The following METTL15 variants were observed in gnomAD, a reference collection of about 807,000 sequenced individuals.
METTL15 encodes 12S rRNA N(4)-cytidine methyltransferase METTL15.
METTL15 carries 34 observed loss-of-function variants against 38.3 expected under a neutral mutation model. The observed-to-expected ratio is 0.89, with a 90% CI of 0.68 to 1.18. The LOEUF (loss-of-function observed/expected upper bound fraction) is 1.18. Ranked by LOEUF, METTL15 falls within the 50% of genes most tolerant of loss-of-function variation. The pLI, the probability that METTL15 is intolerant of heterozygous loss-of-function variation, is 0.00. For missense variants in METTL15, 438 were observed against 498.4 expected, an observed-to-expected ratio of 0.88 and a Z score of 1.15; for synonymous variants, 162 against 170.9, an observed-to-expected ratio of 0.95 and a Z score of 0.41.
intron 4 of METTL15, among the ~76,000 whole-genome samples, chr11:28,263,941 G>T (rs564355355): frequency 6.6e-6 from 1 of 152,184 alleles, no homozygotes. Flanking sequence ...CAAGGATCAT[G>T]TAATATGTCT....
intron 6 of METTL15, among the ~76,000 whole-genome samples, chr11:28,432,902 C>T (rs1850945116): frequency 6.9e-6 from 1 of 145,452 alleles, no homozygotes; most frequent in Non-Finnish European, 1.5e-5. Context: ...AGCACTGGCT[C>T]ATTTTGGTAA....
At chr11:28,260,132 GCTT>G (rs1224753101) in intron 4 of METTL15, among the ~76,000 whole-genome samples, 1 of 152,084 alleles carries the variant, frequency 6.6e-6, no homozygotes, top group Non-Finnish European at 1.5e-5. Context: ...CTTTCTCTAA[GCTT>G]CTTCTTGTTC....
chr11:28,485,767 C>A (rs1312750354), intron 6 of METTL15, among the ~76,000 whole-genome samples: 1 of 152,162 alleles, frequency 6.6e-6, no homozygotes, highest in African/African-American at 2.4e-5. Flanking sequence ...GCTTACACAA[C>A]AGGTGCTTAT....
At chr11:28,275,948 A>G (rs1002620720) in intron 4 of METTL15, among the ~76,000 whole-genome samples, 2 of 152,110 alleles carry the variant, frequency 1.3e-5, no homozygotes, top group Non-Finnish European at 2.9e-5. Context: ...AACATTCCTT[A>G]AAATACTAAG....
At chr11:28,420,575 CTG>C (rs1459470363) in intron 5 of METTL15, among the ~76,000 whole-genome samples, 4 of 152,080 alleles carry the variant, frequency 2.6e-5, no homozygotes, top group African/African-American at 9.7e-5. Flanking sequence ...ATTCTGGAAA[CTG>C]TACAAATACA....
intron 4 of METTL15, among the ~76,000 whole-genome samples, chr11:28,264,381 T>C (rs1278909982): frequency 6.6e-6 from 1 of 152,162 alleles, no homozygotes; most frequent in African/African-American, 2.4e-5. Context: ...GCAATATAAT[T>C]AGTAGTTGTC....
intron 6 of METTL15, among the ~76,000 whole-genome samples, chr11:28,447,554 T>C (rs971038222): frequency 1.3e-5 from 2 of 152,140 alleles, no homozygotes; most frequent in African/African-American, 4.8e-5. Flanking sequence ...TTTTCTTTTT[T>C]TTGTGCCACA....
intron 5 of METTL15, among the ~76,000 whole-genome samples, chr11:28,420,956 C>A (rs1296343033): frequency 1.3e-5 from 2 of 151,782 alleles, no homozygotes; most frequent in Non-Finnish European, 2.9e-5. Context: ...AATTGACAAC[C>A]TTTTAGCCAG....
At chr11:28,370,701 A>C (rs569347749) in intron 5 of METTL15, among the ~76,000 whole-genome samples, 4 of 152,002 alleles carry the variant, frequency 2.6e-5, no homozygotes, top group Non-Finnish European at 4.4e-5. Context: ...TTTTCTCCAC[A>C]TCTTCATCAG....
chr11:28,143,610 G>A (rs1480747979), intron 3 of METTL15, among the ~76,000 whole-genome samples: 2 of 152,118 alleles, frequency 1.3e-5, no homozygotes, highest in Non-Finnish European at 2.9e-5. Flanking sequence ...TCCTTGCAGT[G>A]GATGATAGGG....
rs182598401 is a variant in METTL15 at position 28,283,161 on chromosome 11, T to C, written c.408-7045T>C. Among the ~76,000 whole-genome samples the C allele has an allele frequency of 1.7e-3, 266 of 152,328 alleles. 1 individual carries two copies. Among genetic ancestry groups the C allele is most frequent in the South Asian group, 0.011 (54 of 4,830 alleles). ...GAGGATAAACGAATAGATGTTTTTC[T>C]TCCTGTGCTGTCTCAGAAAGTTAGT... On this transcript the variant is annotated intron_variant, in intron 4 of 6. Coordinates refer to ENST00000407364, the MANE Select transcript of METTL15 (RefSeq NM_001113528.2).
chr11:28,498,612 A>G (rs1188727544), intron 6 of METTL15, among the ~76,000 whole-genome samples: 1 of 152,140 alleles, frequency 6.6e-6, no homozygotes, highest in Non-Finnish European at 1.5e-5. Flanking sequence ...TTCCTTTTGC[A>G]CTGACCTGAC....
intron 3 of METTL15, among the ~76,000 whole-genome samples, chr11:28,175,325 A>G (rs1371380347): frequency 6.6e-6 from 1 of 151,922 alleles, no homozygotes; most frequent in Non-Finnish European, 1.5e-5. Context: ...TATGTGCCAC[A>G]TTTTCTTAAT....
rs192012836 is a variant in METTL15, at chr11:28,234,035, A to G, written c.407+22837A>G. 7.3e-3 allele frequency among the ~76,000 whole-genome samples: 1,056 copies of G among 144,082 alleles called. 8 individuals are homozygous for G. The highest frequency in any genetic ancestry group is 0.012 in the Middle Eastern group (3 of 258). 94.5% of individuals were successfully genotyped at this position (144,082 alleles called of 152,430 possible). On this transcript the variant is annotated intron_variant, in intron 4 of 6. Transcript: ENST00000407364. Reference sequence around the variant, plus strand: ...TGTTCTCATTGTTCAGTTCCCACCTATGAGTGAGAATATATGGTGTTTGGT... The same window carrying G: ...TGTTCTCATTGTTCAGTTCCCACCTGTGAGTGAGAATATATGGTGTTTGGT...
At chr11:28,164,244 C>T (rs1277347979) in intron 3 of METTL15, 1 of 152,000 alleles carries the variant, frequency 6.6e-6, no homozygotes, top group East Asian at 1.9e-4. Context: ...CTTAAAAACA[C>T]ACATTAGGAA....
At chr11:28,279,248 G>A (rs972952384) in intron 4 of METTL15, among the ~76,000 whole-genome samples, 5 of 152,044 alleles carry the variant, frequency 3.3e-5, no homozygotes, top group Non-Finnish European at 4.4e-5. Flanking sequence ...ATATTTGCAT[G>A]ACATCTATTT....
At chr11:28,122,568 A>G (rs1024314935) in intron 3 of METTL15, among the ~76,000 whole-genome samples, 1 of 151,418 alleles carries the variant, frequency 6.6e-6, no homozygotes, top group African/African-American at 2.4e-5. Flanking sequence ...ATATATATGT[A>G]TATAGGTGTG....
chr11:28,490,238 G>T (rs1795180116), intron 6 of METTL15, among the ~76,000 whole-genome samples: 1 of 152,078 alleles, frequency 6.6e-6, no homozygotes, highest in Non-Finnish European at 1.5e-5. Context: ...GCATTGCCAG[G>T]GATGGTGGTA....
intron 3 of METTL15, among the ~76,000 whole-genome samples, chr11:28,151,844 T>TA (rs1427881738): frequency 1.3e-5 from 2 of 152,094 alleles, no homozygotes; most frequent in Non-Finnish European, 2.9e-5. Context: ...GAATCTTAAG[T>TA]AGGCTTATAG....
Sources: allele counts gnomAD v4.1 joint callset (sites outside exome capture counted in the v4.1 genomes callset), GRCh38; gene constraint gnomAD v4.1.1; transcripts MANE v1.5; gene names NCBI Gene and HGNC (gene_info 2026-07-23, HGNC 2026-07-21).